DCLK1: variants seen among roughly 807,000 people sequenced by gnomAD.
DCLK1 encodes doublecortin like kinase 1.
Under a neutral mutation model 86.2 loss-of-function variants are expected in DCLK1, and 16 were observed. The ratio of observed to expected loss-of-function variants is 0.19; its 90% CI spans 0.13 to 0.28. The LOEUF (loss-of-function observed/expected upper bound fraction) is 0.28, where lower values mean the gene tolerates loss of function less well. DCLK1 is among the 10% of genes least tolerant of loss of function. DCLK1 has a pLI of 1.00. For missense variants in DCLK1, 590 were observed against 940.2 expected (o/e 0.63, Z 4.87); for synonymous variants, 369 against 370.5 (o/e 1.00, Z 0.05).
At chr13:35,995,810 A>G (rs751024023) in intron 3 of DCLK1, among the ~76,000 whole-genome samples, 8 of 152,256 alleles carry the variant, frequency 5.3e-5, no homozygotes, top group South Asian at 2.1e-4. Context: ...GGCTGTTCTT[A>G]TAAATGCAAA....
chr13:36,091,658 T>C (rs1884832504), intron 3 of DCLK1, among the ~76,000 whole-genome samples: 1 of 152,214 alleles, frequency 6.6e-6, no homozygotes, highest in South Asian at 2.1e-4. Context: ...TATAAATATA[T>C]GTGATATATG....
rs753525001 is a variant in DCLK1 at position 36,126,033 on chromosome 13, G to A, written c.105C>T (p.His35=). The change falls in exon 2 of 17, where the codon CAC becomes CAT. Residue 35 remains histidine, a synonymous_variant. Transcript: ENST00000360631. The part of the protein sequence containing the change: ...SRVNGLPSPT[H]SAHCSFYRTR... ...TGCGGTAGAAGCTGCAGTGGGCGCT[G>A]TGCGTCGGGCTCGGCAGGCCGTTCA... The A allele has an allele frequency of 1.2e-5, 20 of 1,613,818 alleles. No homozygotes were observed. The South Asian group carries it at 2.2e-4, about 18-fold the overall frequency.
intron 2 of DCLK1, among the ~76,000 whole-genome samples, chr13:36,125,502 G>T (rs1358660318): frequency 1.3e-5 from 2 of 152,084 alleles, no homozygotes; most frequent in African/African-American, 4.8e-5. Flanking sequence ...ATGCAGCATG[G>T]GTATGAGAAA....
intron 2 of DCLK1, among the ~76,000 whole-genome samples, chr13:36,121,265 T>TG (rs1321653258): frequency 6.6e-6 from 1 of 152,226 alleles, no homozygotes; most frequent in Non-Finnish European, 1.5e-5. Context: ...GGTGCAGAAC[T>TG]GTTGGCATAA....
chr13:35,997,700 A>T, intron 3 of DCLK1, among the ~76,000 whole-genome samples: 1 of 152,188 alleles, frequency 6.6e-6, no homozygotes. Context: ...TTTAAATCAG[A>T]TATAAAAGAA....
At chr13:36,013,278 C>A (rs9593675) in intron 3 of DCLK1, among the ~76,000 whole-genome samples, 1 of 151,766 alleles carries the variant, frequency 6.6e-6, no homozygotes, top group African/African-American at 2.4e-5. Flanking sequence ...TGAGGAACTG[C>A]GTTCCTTTGG....
At chr13:36,118,329 G>C (rs1443998158) in intron 2 of DCLK1, among the ~76,000 whole-genome samples, 1 of 152,092 alleles carries the variant, frequency 6.6e-6, no homozygotes, top group Non-Finnish European at 1.5e-5. Context: ...TAGGGACAGA[G>C]GAGTGGATGT....
intron 16 of DCLK1, among the ~76,000 whole-genome samples, chr13:35,785,813 G>T (rs994405777): frequency 6.6e-6 from 1 of 152,210 alleles, no homozygotes; most frequent in African/African-American, 2.4e-5. Context: ...TGCCACCATG[G>T]TTAGACAAAT....
chr13:35,999,508 G>A (rs972320512), intron 3 of DCLK1, among the ~76,000 whole-genome samples: 1 of 151,908 alleles, frequency 6.6e-6, no homozygotes, highest in African/African-American at 2.4e-5. Context: ...AGGACAATTT[G>A]GAATAGAAAA....
chr13:36,125,411 C>T (rs1041441142), intron 2 of DCLK1, among the ~76,000 whole-genome samples: 2 of 152,012 alleles, frequency 1.3e-5, no homozygotes, highest in Admixed American at 1.3e-4. Context: ...TTTCGGATAT[C>T]GTGATAGCAA....
At chr13:35,811,073 A>G in intron 11 of DCLK1, 105 bp from the exon 12 acceptor site, 1 of 1,424,934 alleles carries the variant, frequency 7.0e-7, no homozygotes, top group Non-Finnish European at 9.6e-7. Flanking sequence ...ATAGGAGGTA[A>G]AAAATAAATT....
At chr13:36,013,592 T>C (rs1428630893) in intron 3 of DCLK1, among the ~76,000 whole-genome samples, 2 of 152,162 alleles carry the variant, frequency 1.3e-5, no homozygotes, top group Non-Finnish European at 2.9e-5. Context: ...CGTTCTCAGA[T>C]CTCCAGCTGC....
In DCLK1 at chr13:35,820,340, T is replaced by C. The variant is rs114730112; in HGVS notation, c.1554+2389A>G. On this transcript the variant is annotated intron_variant, in intron 11 of 16. Transcript: ENST00000360631. ...AAAACCACATTATAAATGACTGCAA[T>C]TGTTTCTCCATATAGTTCAGCTTCT... Among the ~76,000 whole-genome samples, 679 of 152,272 alleles carry C rather than the reference T, an allele frequency of 4.5e-3. 3 individuals are homozygous for C. The highest frequency in any genetic ancestry group is 0.016 in the African/African-American group (649 of 41,542).
At chr13:35,965,493 C>A (rs771360947) in intron 3 of DCLK1, among the ~76,000 whole-genome samples, 1 of 152,136 alleles carries the variant, frequency 6.6e-6, no homozygotes, top group African/African-American at 2.4e-5. Context: ...TGGTTGTAAG[C>A]GATGTTTCCA....
chr13:36,029,759 G>T (rs959550578), intron 3 of DCLK1, among the ~76,000 whole-genome samples: 1 of 152,118 alleles, frequency 6.6e-6, no homozygotes, highest in African/African-American at 2.4e-5. Context: ...AACAAGATCT[G>T]TTCCACAGAA....
intron 8 of DCLK1, among the ~76,000 whole-genome samples, chr13:35,833,922 T>A (rs1191278882): frequency 6.6e-6 from 1 of 152,320 alleles, no homozygotes; most frequent in Non-Finnish European, 1.5e-5. Context: ...AGACCCAAGA[T>A]GTGAACTCAC....
rs73521581 is a variant in DCLK1, at chr13:35,931,303, C to A, written c.823+16055G>T. 7.4e-3 allele frequency among the ~76,000 whole-genome samples: 1,129 copies of A among 152,118 alleles called. 11 individuals are homozygous for A. The highest frequency in any genetic ancestry group is 0.026 in the African/African-American group (1,062 of 41,490). On this transcript the variant is annotated intron_variant, in intron 4 of 16. Coordinates refer to ENST00000360631, the MANE Select transcript of DCLK1 (RefSeq NM_001330071.2). The stretch of plus-strand genomic sequence containing the variant: ...TTGGATGCTTAAAGTTCTTAAATGG[C>A]CAGAATTAATGACTAAAATTAATAA...
At chr13:36,046,113 G>A (rs2153156313) in intron 3 of DCLK1, among the ~76,000 whole-genome samples, 2 of 152,064 alleles carry the variant, frequency 1.3e-5, no homozygotes, top group East Asian at 3.9e-4. Context: ...AGAAAGTTAT[G>A]AGAACTGGTT....
At chr13:35,892,136 C>G (rs1328776655) in intron 4 of DCLK1, among the ~76,000 whole-genome samples, 2 of 151,884 alleles carry the variant, frequency 1.3e-5, no homozygotes, top group Admixed American at 1.3e-4. Context: ...TGTGACACAC[C>G]GTGTTATGCA....
Sources: gnomAD v4.1 joint callset for allele counts (sites outside exome capture counted in the v4.1 genomes callset) on GRCh38, gnomAD v4.1.1 for gene constraint, MANE v1.5 for transcripts, NCBI Gene and HGNC (gene_info 2026-07-23, HGNC 2026-07-21) for gene names.